SPATA17: variants seen among roughly 807,000 people sequenced by gnomAD.
SPATA17 encodes the protein spermatogenesis-associated protein 17.
Under a neutral mutation model 62.2 loss-of-function variants are expected in SPATA17, and 53 were observed. The observed-to-expected ratio is 0.85, with a 90% CI of 0.68 to 1.07. The LOEUF is 1.07. Among genes scored for constraint, SPATA17 ranks in the 50% least tolerant of loss-of-function variants. The pLI is 0.00. For synonymous variants in SPATA17, 146 were observed against 146.8 expected, an observed-to-expected ratio of 0.99 and a Z score of 0.04; for missense variants, 466 against 425.5, an observed-to-expected ratio of 1.10 and a Z score of -0.84.
chr1:217,824,090 C>T lies in SPATA17; in HGVS notation c.1005+22240C>T, dbSNP rs567374963. On this transcript the variant is annotated intron_variant, in intron 9 of 10. Coordinates refer to ENST00000366933, the MANE Select transcript of SPATA17 (RefSeq NM_138796.4). ...ATTCAGCCACTCTGTGGTCTTTTAA[C>T]TGGAGAATTTAATCCATTTACAGTC... 2.0e-4 allele frequency among the ~76,000 whole-genome samples: 30 copies of T among 152,020 alleles called. No individual in the cohort carries two copies. In the East Asian group the frequency reaches 5.6e-3, roughly 28 times the overall value.
intron 1 of SPATA17, among the ~76,000 whole-genome samples, chr1:217,644,148 A>G (rs944716052): frequency 6.6e-6 from 1 of 152,218 alleles, no homozygotes; most frequent in East Asian, 1.9e-4. Context: ...AACTTCTACT[A>G]TATGATCAAA....
At chr1:217,758,683 A>G (rs886747464) in intron 6 of SPATA17, among the ~76,000 whole-genome samples, 7 of 152,212 alleles carry the variant, frequency 4.6e-5, no homozygotes, top group African/African-American at 1.7e-4. Flanking sequence ...TTGCGTGATT[A>G]ACATAATCAA....
At chr1:217,747,470 C>T (rs865793111) in intron 6 of SPATA17, among the ~76,000 whole-genome samples, 6 of 152,046 alleles carry the variant, frequency 3.9e-5, no homozygotes, top group South Asian at 2.1e-4. Flanking sequence ...AGAAAAATTA[C>T]AGACACAAAT....
chr1:217,752,423 T>C (rs1243944722), intron 6 of SPATA17, among the ~76,000 whole-genome samples: 3 of 152,218 alleles, frequency 2.0e-5, no homozygotes, highest in Non-Finnish European at 2.9e-5. Flanking sequence ...AAATATAGCA[T>C]AGTGCTTTAA....
At chr1:217,716,385 T>C (rs1051791472) in intron 5 of SPATA17, among the ~76,000 whole-genome samples, 3 of 152,192 alleles carry the variant, frequency 2.0e-5, no homozygotes, top group African/African-American at 7.2e-5. Context: ...GTGGTGTTTG[T>C]ATTTGCCCTC....
chr1:217,774,228 GT>G, intron 6 of SPATA17, 105 bp from the exon 7 acceptor site: 1 of 936,402 alleles, frequency 1.1e-6, no homozygotes, highest in Non-Finnish European at 1.6e-6. Context: ...CACAGTTGTA[GT>G]TTAAAATATT....
chr1:217,776,282 C>G (rs1673587101), intron 7 of SPATA17, among the ~76,000 whole-genome samples: 1 of 152,122 alleles, frequency 6.6e-6, no homozygotes, highest in Non-Finnish European at 1.5e-5. Flanking sequence ...TCATCCCAAT[C>G]AATAATTAAG....
At chr1:217,774,584 T>A in intron 7 of SPATA17, 47 bp downstream of exon 7, 1 of 1,545,726 alleles carries the variant, frequency 6.5e-7, no homozygotes, top group Non-Finnish European at 8.8e-7. Context: ...TTATTCTTGC[T>A]ATTTTTTGCA....
At chr1:217,669,182 A>G in intron 4 of SPATA17, 99 bp downstream of exon 4, 1 of 978,186 alleles carries the variant, frequency 1.0e-6, no homozygotes, top group Middle Eastern at 3.1e-4. Context: ...AATTTGATTG[A>G]TATGCTAATG....
Position 217,783,977 on chromosome 1 carries a change from G to A in SPATA17, c.872+1655G>A, listed in dbSNP as rs373901795. 9.9e-5 allele frequency among the ~76,000 whole-genome samples: 15 copies of A among 151,994 alleles called. No homozygotes were observed. The South Asian group carries it at 2.3e-3, about 23-fold the overall frequency. On this transcript the variant is annotated intron_variant, in intron 8 of 10. Coordinates refer to ENST00000366933, the MANE Select transcript of SPATA17 (RefSeq NM_138796.4). ...CCAATCAGAAAAAAACCAAGTTGCA[G>A]ATGCTAAAAAAAATTTCTTATAGAT...
chr1:217,721,441 G>T (rs1031801221), intron 5 of SPATA17, among the ~76,000 whole-genome samples: 2 of 152,132 alleles, frequency 1.3e-5, no homozygotes, highest in African/African-American at 4.8e-5. Context: ...GCTAAGACTT[G>T]CATTTGATGT....
At chr1:217,770,914 C>T (rs1221249708) in intron 6 of SPATA17, among the ~76,000 whole-genome samples, 1 of 146,168 alleles carries the variant, frequency 6.8e-6, no homozygotes, top group Non-Finnish European at 1.5e-5. Context: ...GCTTAAGTTC[C>T]CATGATGGAG....
chr1:217,655,447 C>G (rs1338796985), intron 3 of SPATA17, among the ~76,000 whole-genome samples: 5 of 152,148 alleles, frequency 3.3e-5, no homozygotes, highest in Non-Finnish European at 7.3e-5. Context: ...GGTTTCTACA[C>G]TGTCAACTTA....
At chr1:217,825,463 G>A (rs537957437) in intron 9 of SPATA17, among the ~76,000 whole-genome samples, 4 of 151,372 alleles carry the variant, frequency 2.6e-5, no homozygotes, top group Non-Finnish European at 5.9e-5. Context: ...TTTTTCACTC[G>A]TGTAAAATAT....
chr1:217,680,420 T>A (rs1020996369), intron 4 of SPATA17, among the ~76,000 whole-genome samples: 3 of 152,202 alleles, frequency 2.0e-5, no homozygotes, highest in Non-Finnish European at 4.4e-5. Flanking sequence ...TCTTTTTCAT[T>A]AGGAAAGTGG....
intron 1 of SPATA17, among the ~76,000 whole-genome samples, chr1:217,636,430 T>C (rs996697493): frequency 3.9e-5 from 6 of 151,980 alleles, no homozygotes; most frequent in Non-Finnish European, 8.8e-5. Flanking sequence ...TATTATCATT[T>C]TGAGAGGGAG....
chr1:217,807,076 T>TA (rs1674451634), intron 9 of SPATA17, among the ~76,000 whole-genome samples: 1 of 152,076 alleles, frequency 6.6e-6, no homozygotes, highest in Non-Finnish European at 1.5e-5. Context: ...TATACAGCCA[T>TA]AAAAAATGAA....
intron 4 of SPATA17, among the ~76,000 whole-genome samples, chr1:217,672,268 G>A (rs61169050): frequency 0.048 from 7,344 of 152,106 alleles, 580 homozygotes; most frequent in African/African-American, 0.17. Context: ...TAAGCTACCT[G>A]GTAACTTAGT....
At chr1:217,674,348 G>A (rs1441964520) in intron 4 of SPATA17, among the ~76,000 whole-genome samples, 1 of 152,150 alleles carries the variant, frequency 6.6e-6, no homozygotes, top group Non-Finnish European at 1.5e-5. Context: ...CTAGATCAAT[G>A]CTCTTTTGAT....
Sources: allele counts gnomAD v4.1 joint callset (sites outside exome capture counted in the v4.1 genomes callset), GRCh38; gene constraint gnomAD v4.1.1; transcripts MANE v1.5; gene names NCBI Gene and HGNC (gene_info 2026-07-23, HGNC 2026-07-21).